Variants in LRRC4C observed in about 807,000 individuals in gnomAD.
LRRC4C encodes leucine-rich repeat-containing protein 4C.
Under a neutral mutation model 33.6 loss-of-function variants are expected in LRRC4C, and 5 were observed. That is an observed-to-expected ratio of 0.15 (90% CI 0.08 to 0.31). LRRC4C has a LOEUF of 0.31. LRRC4C is among the 10% of genes least tolerant of loss of function. The pLI is 1.00. For missense variants in LRRC4C, 560 were observed against 796.7 expected (o/e 0.70, Z 3.58); for synonymous variants, 329 against 302.0 (o/e 1.09, Z -0.93).
At chr11:41,078,603 G>A (rs1024981669) in intron 1 of LRRC4C, among the ~76,000 whole-genome samples, 6 of 152,046 alleles carry the variant, frequency 3.9e-5, no homozygotes, top group Non-Finnish European at 8.8e-5. Context: ...CAGACAACCA[G>A]GTCTTGTGAG....
intron 1 of LRRC4C, among the ~76,000 whole-genome samples, chr11:41,269,524 C>G (rs960816273): frequency 6.6e-6 from 1 of 152,006 alleles, no homozygotes; most frequent in Admixed American, 6.6e-5. Flanking sequence ...TGACTGAGCT[C>G]AAGTCAGAAT....
chr11:40,361,961 C>T (rs781664030), intron 3 of LRRC4C, among the ~76,000 whole-genome samples: 8 of 152,170 alleles, frequency 5.3e-5, no homozygotes, highest in African/African-American at 9.6e-5. Flanking sequence ...TAAGACTGCA[C>T]ACCTTCAACT....
chr11:41,106,837 G>A (rs1450217946), intron 1 of LRRC4C, among the ~76,000 whole-genome samples: 3 of 151,790 alleles, frequency 2.0e-5, no homozygotes, highest in Admixed American at 6.6e-5. Flanking sequence ...GCAAGATGGC[G>A]AGACCCTACT....
intron 3 of LRRC4C, among the ~76,000 whole-genome samples, chr11:40,535,817 C>T (rs1366220912): frequency 6.6e-6 from 1 of 152,116 alleles, no homozygotes; most frequent in Non-Finnish European, 1.5e-5. Flanking sequence ...AGTTGAACTG[C>T]TTGAAAACTT....
rs528985381 is a variant in LRRC4C, at chr11:41,215,539, A to G, written c.-496+243892T>C. Among the ~76,000 whole-genome samples, 166 of 151,842 alleles carry G rather than the reference A, an allele frequency of 1.1e-3. 1 individual carries two copies. Among genetic ancestry groups the G allele is most frequent in the African/African-American group, 3.9e-3 (161 of 41,394 alleles). Reference sequence around the variant, plus strand: ...CATCCACATTGACGATGTTTCCACAATCTCCTTGGCTCCTAACCCTGAAAA... The same window carrying G: ...CATCCACATTGACGATGTTTCCACAGTCTCCTTGGCTCCTAACCCTGAAAA... On this transcript the variant is annotated intron_variant, in intron 1 of 6. Transcript: ENST00000528697.
intron 2 of LRRC4C, among the ~76,000 whole-genome samples, chr11:40,717,921 T>C (rs1946815294): frequency 6.6e-6 from 1 of 152,216 alleles, no homozygotes; most frequent in Non-Finnish European, 1.5e-5. Flanking sequence ...ATACCACAAT[T>C]ACTCTGTTTG....
At chr11:41,454,700 G>T (rs757318820) in intron 1 of LRRC4C, among the ~76,000 whole-genome samples, 1 of 152,082 alleles carries the variant, frequency 6.6e-6, no homozygotes, top group Non-Finnish European at 1.5e-5. Context: ...CCAGAAAAGG[G>T]TCTGATGAAG....
At chr11:41,235,287 G>A (rs549395961) in intron 1 of LRRC4C, among the ~76,000 whole-genome samples, 3 of 152,178 alleles carry the variant, frequency 2.0e-5, no homozygotes, top group Middle Eastern at 3.4e-3. Flanking sequence ...AACCATTTGA[G>A]ATTCCATTGA....
intron 1 of LRRC4C, among the ~76,000 whole-genome samples, chr11:41,113,112 TA>T (rs1941936227): frequency 6.6e-6 from 1 of 152,084 alleles, no homozygotes. Flanking sequence ...TAAATGAATG[TA>T]CATATTTGCT....
At chr11:40,500,293 TACACACACACACACACACACAC>T (rs375005241) in intron 3 of LRRC4C, among the ~76,000 whole-genome samples, 1 of 96,846 alleles carries the variant, frequency 1.0e-5, no homozygotes, top group African/African-American at 4.1e-5. Context: ...TATATATATA[TACACACACACACACACACACAC>T]ACACACACAC....
intron 5 of LRRC4C, among the ~76,000 whole-genome samples, chr11:40,161,481 C>T (rs1008003454): frequency 2.0e-5 from 3 of 152,172 alleles, no homozygotes; most frequent in East Asian, 1.9e-4. Flanking sequence ...AGGCCGGGCA[C>T]GGTCGCTCAT....
At position 41,444,672 on chromosome 11, in the gene LRRC4C, T is replaced by C. The variant is rs75969602; in HGVS notation, c.-496+14759A>G. 5.0e-3 allele frequency among the ~76,000 whole-genome samples: 756 copies of C among 152,272 alleles called. 6 individuals carry two copies. Among genetic ancestry groups the C allele is most frequent in the African/African-American group, 0.012 (482 of 41,544 alleles). The stretch of plus-strand genomic sequence containing the variant: ...ACTGAAGTGTTTATGCAAAAAGTCA[T>C]TGGCTACATAATAAGCTTGAGTACA... On this transcript the variant is annotated intron_variant, in intron 1 of 6. Transcript: ENST00000528697.
chr11:40,493,324 T>C (rs1289574903), intron 3 of LRRC4C, among the ~76,000 whole-genome samples: 1 of 152,148 alleles, frequency 6.6e-6, no homozygotes, highest in Non-Finnish European at 1.5e-5. Flanking sequence ...TATTCCAAAA[T>C]ATACCTGTGT....
At chr11:40,382,460 C>T (rs1049296718) in intron 3 of LRRC4C, among the ~76,000 whole-genome samples, 1 of 151,378 alleles carries the variant, frequency 6.6e-6, no homozygotes. Flanking sequence ...CCCTTGAAAA[C>T]ATCAATATGA....
intron 1 of LRRC4C, among the ~76,000 whole-genome samples, chr11:41,137,968 A>G (rs1287498898): frequency 1.3e-5 from 2 of 152,172 alleles, no homozygotes; most frequent in South Asian, 4.1e-4. Context: ...TTCAGTTACC[A>G]TGGGCATGCC....
At chr11:40,839,847 T>C (rs1952836545) in intron 2 of LRRC4C, among the ~76,000 whole-genome samples, 1 of 152,158 alleles carries the variant, frequency 6.6e-6, no homozygotes, top group Non-Finnish European at 1.5e-5. Context: ...TATTCTTTAA[T>C]TCCATAAAAA....
intron 2 of LRRC4C, among the ~76,000 whole-genome samples, chr11:40,780,180 C>T (rs1017834695): frequency 6.6e-5 from 10 of 152,100 alleles, no homozygotes; most frequent in Non-Finnish European, 1.3e-4. Flanking sequence ...TTGGTAAGAG[C>T]TCTGGCATTT....
chr11:40,903,704 G>T (rs906580456), intron 2 of LRRC4C, among the ~76,000 whole-genome samples: 1 of 151,934 alleles, frequency 6.6e-6, no homozygotes, highest in Non-Finnish European at 1.5e-5. Flanking sequence ...TGGTTAATGG[G>T]GTACAAAAAA....
chr11:41,338,157 A>C (rs1300185151), intron 1 of LRRC4C, among the ~76,000 whole-genome samples: 1 of 152,198 alleles, frequency 6.6e-6, no homozygotes, highest in African/African-American at 2.4e-5. Flanking sequence ...TAGAACCAGA[A>C]ATACAATTTG....
Sources: allele counts gnomAD v4.1 joint callset (sites outside exome capture counted in the v4.1 genomes callset), GRCh38; gene constraint gnomAD v4.1.1; transcripts MANE v1.5; gene names NCBI Gene and HGNC (gene_info 2026-07-23, HGNC 2026-07-21).